Variants in COL4A4 observed in about 807,000 individuals in gnomAD.
COL4A4 encodes collagen alpha-4(IV) chain.
In COL4A4, 105 loss-of-function variants were observed where a neutral mutation model predicts 192.9. The ratio of observed to expected loss-of-function variants is 0.54; its 90% CI spans 0.46 to 0.64. The LOEUF (loss-of-function observed/expected upper bound fraction) is 0.64, where lower values mean the gene tolerates loss of function less well. Among genes scored for constraint, COL4A4 ranks in the 30% least tolerant of loss-of-function variants. The pLI, the probability that COL4A4 is intolerant of heterozygous loss-of-function variation, is 0.00. For missense variants in COL4A4, 1,967 were observed against 2,169.3 expected, an observed-to-expected ratio of 0.91 and a Z score of 1.85; for synonymous variants, 762 against 769.9, an observed-to-expected ratio of 0.99 and a Z score of 0.17.
intron 1 of COL4A4, among the ~76,000 whole-genome samples, chr2:227,151,608 A>G (rs543954354): frequency 6.6e-6 from 1 of 152,332 alleles, no homozygotes; most frequent in South Asian, 2.1e-4. Context: ...CTTGAGTAGT[A>G]AACTGCCATG....
chr2:227,104,414 C>CAAAAAAAAAA (rs60259710), intron 12 of COL4A4, among the ~76,000 whole-genome samples: 1 of 96,870 alleles, frequency 1.0e-5, no homozygotes, highest in African/African-American at 4.2e-5. Flanking sequence ...ACTAAAAATA[C>CAAAAAAAAAA]AAAAAAAAAA....
At chr2:227,053,805 C>G (rs1363646460) in intron 31 of COL4A4, among the ~76,000 whole-genome samples, 1 of 152,086 alleles carries the variant, frequency 6.6e-6, no homozygotes, top group East Asian at 1.9e-4. Context: ...CTCGGCCTCC[C>G]AAAGTGCTGG....
In COL4A4 at chr2:227,008,215, C is replaced by T. The variant is rs376401228; in HGVS notation, c.4612G>A (p.Asp1538Asn). Reference protein sequence around the residue: ...HQVCHYAQRNDRSYWLASAAP... With the variant: ...HQVCHYAQRNNRSYWLASAAP... Reference sequence around the variant, plus strand: ...GCGCTGGCCAGCCAGTAGGATCTGTCGTTTCTCTGGGCATAGTGGCACACC... The same window carrying T: ...GCGCTGGCCAGCCAGTAGGATCTGTTGTTTCTCTGGGCATAGTGGCACACC... Residue 1538 changes from aspartate (D) to asparagine (N), a missense_variant, in exon 47 of 48, where the codon GAC becomes AAC. Physicochemically the swap from Asp to Asn is conservative, Grantham distance 23. Transcript: ENST00000396625. The T allele has an allele frequency of 7.4e-6, 12 of 1,614,072 alleles. No individual in the cohort carries two copies. The African/African-American group carries it at 1.2e-4, about 16-fold the overall frequency.
intron 2 of COL4A4, 189 bp downstream of exon 2, chr2:227,147,224 T>A (rs561613549): frequency 2.8e-6 from 2 of 713,206 alleles, no homozygotes; most frequent in Admixed American, 3.5e-5. Context: ...TGTGGATGCA[T>A]TTCAGGGAAA....
Position 227,056,054 on chromosome 2 carries a change from T to C in COL4A4, c.2607A>G (p.Lys869=), listed in dbSNP as rs1406834186. 2.5e-6 allele frequency: 4 copies of C among 1,613,994 alleles called. No individual in the cohort carries two copies. Among genetic ancestry groups the C allele is most frequent in the Non-Finnish European group, 3.4e-6 (4 of 1,179,966 alleles). Residue 869 remains lysine, a synonymous_variant, in exon 30 of 48, where the codon AAA becomes AAG. Transcript: ENST00000396625. The part of the protein sequence containing the change: ...DVGPPGPAGM[K]GLPGLPGRPG... ...GCCGTCCTGGGAGTCCGGGGAGGCC[T>C]TTCATTCCAGCTGGCCCGGGAGGCC...
chr2:226,980,185 T>A, the COL4A4 span, among the ~76,000 whole-genome samples: 1 of 152,194 alleles, frequency 6.6e-6, no homozygotes, highest in African/African-American at 2.4e-5. Flanking sequence ...ACCCATGAGC[T>A]AGATTTTACA....
chr2:226,976,743 A>G, the COL4A4 span, among the ~76,000 whole-genome samples: 32 of 152,318 alleles, frequency 2.1e-4, 1 homozygote, highest in East Asian at 6.2e-3. Flanking sequence ...TGCTGCAGGC[A>G]CAAGGTACTA....
chr2:227,008,253 C>G lies in COL4A4; in HGVS notation c.4574G>C (p.Cys1525Ser). The G allele has an allele frequency of 6.2e-7, 1 of 1,614,228 alleles. No homozygotes were observed. Among genetic ancestry groups the G allele is most frequent in the Non-Finnish European group, 8.5e-7 (1 of 1,180,038 alleles). Residue 1525 changes from cysteine to serine, a missense_variant, in exon 47 of 48, where the codon TGC becomes TCC. Cys to Ser is a moderately radical substitution (Grantham distance 112). Transcript: ENST00000396625. ...PVFSTLPFAYCNIHQVCHYAQ... is the reference protein window; with the variant it reads ...PVFSTLPFAYSNIHQVCHYAQ... ...ATAGTGGCACACCTGGTGGATGTTGCAGTAGGCAAAGGGCAGCGTGCTAAA... is the reference window on the plus strand; with the variant it reads ...ATAGTGGCACACCTGGTGGATGTTGGAGTAGGCAAAGGGCAGCGTGCTAAA...
chr2:227,093,666 C>CT (rs1044602077), intron 20 of COL4A4, among the ~76,000 whole-genome samples: 1 of 152,000 alleles, frequency 6.6e-6, no homozygotes, highest in Non-Finnish European at 1.5e-5. Flanking sequence ...TTCAGAGAGG[C>CT]TTTTTTATTT....
chr2:227,109,221 T>TA lies in COL4A4; in HGVS notation c.657+2dup, dbSNP rs2150877933. ...GGGATCACATCAGCAGTGCTGTACT[T>TA]ACCACTAACCCTGGCTCTCCAGGAT... On this transcript the variant is annotated splice_region_variant and intron_variant, in intron 10 of 47. Transcript: ENST00000396625. 1 of 1,613,116 alleles carries TA rather than the reference T, an allele frequency of 6.2e-7. No homozygotes were observed. Among genetic ancestry groups the TA allele is most frequent in the Non-Finnish European group, 8.5e-7 (1 of 1,179,044 alleles).
chr2:226,995,520 T>C, the COL4A4 span: 1 of 1,604,868 alleles, frequency 6.2e-7, no homozygotes, highest in Non-Finnish European at 8.5e-7. Flanking sequence ...CGATAGCCAG[T>C]GAGGTGGCAT....
chr2:227,115,157 T>G (rs2061422071), intron 7 of COL4A4, among the ~76,000 whole-genome samples: 1 of 152,136 alleles, frequency 6.6e-6, no homozygotes, highest in Non-Finnish European at 1.5e-5. Context: ...GGTTTTTGTA[T>G]ATAGTTGCTA....
chr2:227,007,901 A>G lies in COL4A4; in HGVS notation c.4809+117T>C, dbSNP rs9288618. ...GGCTATGGTTTGCAACAGTCCCCGT[A>G]ACCTTATGTCCTAAGCGCAGAGTGC... On this transcript the variant is annotated intron_variant, in intron 47 of 47. Coordinates refer to ENST00000396625, the MANE Select transcript of COL4A4 (RefSeq NM_000092.5). The G allele has an allele frequency of 0.44, 569,496 of 1,291,064 alleles. 130,241 individuals are homozygous for G. Among genetic ancestry groups the G allele is most frequent in the African/African-American group, 0.68 (46,328 of 68,432 alleles). 80.0% of individuals were successfully genotyped at this position (1,291,064 alleles called of 1,614,324 possible).
At chr2:227,137,883 T>C (rs1323396693) in intron 4 of COL4A4, among the ~76,000 whole-genome samples, 1 of 152,186 alleles carries the variant, frequency 6.6e-6, no homozygotes, top group Non-Finnish European at 1.5e-5. Context: ...CTTGGTATAT[T>C]TACATTAATA....
chr2:227,076,369 G>C (rs1341226201), intron 25 of COL4A4, among the ~76,000 whole-genome samples: 1 of 152,108 alleles, frequency 6.6e-6, no homozygotes, highest in Admixed American at 6.5e-5. Context: ...TGACAAACCT[G>C]ATAAAAACAA....
At chr2:227,040,469 A>T (rs1029846500) in intron 37 of COL4A4, among the ~76,000 whole-genome samples, 6 of 152,208 alleles carry the variant, frequency 3.9e-5, no homozygotes, top group Admixed American at 3.9e-4. Flanking sequence ...TTAAAAAATC[A>T]TACTCTGTTT....
Position 227,013,544 on chromosome 2 carries a change from G to C in COL4A4, c.4217-1247C>G, listed in dbSNP as rs530135841. Among the ~76,000 whole-genome samples the C allele has an allele frequency of 8.8e-4, 134 of 152,276 alleles. 1 individual carries two copies. The highest frequency in any genetic ancestry group is 3.0e-3 in the African/African-American group (126 of 41,564). ...TGTCCCTGGAATGGCACAGAGGAGA[G>C]GCCACGTGAGGACACAGGAAGATGG... On this transcript the variant is annotated intron_variant, in intron 44 of 47. Coordinates refer to ENST00000396625, the MANE Select transcript of COL4A4 (RefSeq NM_000092.5).
At chr2:227,161,970 C>G (rs576028997) in intron 1 of COL4A4, among the ~76,000 whole-genome samples, 2 of 151,984 alleles carry the variant, frequency 1.3e-5, no homozygotes, top group Non-Finnish European at 2.9e-5. Flanking sequence ...CACTATGTGA[C>G]TACTGTGTGA....
chr2:227,111,203 T>C (rs2061187288), intron 9 of COL4A4, among the ~76,000 whole-genome samples: 2 of 152,222 alleles, frequency 1.3e-5, no homozygotes, highest in African/African-American at 4.8e-5. Context: ...TGTGAAACTT[T>C]CTCACATCAG....
Sources: gnomAD v4.1 joint callset for allele counts (sites outside exome capture counted in the v4.1 genomes callset) on GRCh38, gnomAD v4.1.1 for gene constraint, MANE v1.5 for transcripts, NCBI Gene and HGNC (gene_info 2026-07-23, HGNC 2026-07-21) for gene names.